Variants in ATRNL1 observed in about 807,000 individuals in gnomAD.
ATRNL1 encodes attractin-like protein 1.
A neutral mutation model predicts 182.7 loss-of-function variants in ATRNL1; 95 were observed. The ratio of observed to expected loss-of-function variants is 0.52; its 90% CI spans 0.44 to 0.62. The LOEUF is 0.62. Among genes scored for constraint, ATRNL1 ranks in the 20% least tolerant of loss-of-function variants. The pLI is 0.00. For missense variants in ATRNL1, 1,471 were observed against 1,679.5 expected (o/e 0.88, Z 2.17); for synonymous variants, 576 against 568.3 (o/e 1.01, Z -0.19).
chr10:115,518,672 G>C (rs1554984436), intron 24 of ATRNL1, among the ~76,000 whole-genome samples: 1 of 151,892 alleles, frequency 6.6e-6, no homozygotes, highest in Non-Finnish European at 1.5e-5. Flanking sequence ...TCTCTATCCA[G>C]ATGCTATATT....
chr10:115,315,409 G>A (rs148583496), intron 17 of ATRNL1, 109 bp from the exon 18 acceptor site: 1 of 773,760 alleles, frequency 1.3e-6, no homozygotes, highest in African/African-American at 1.7e-5. Flanking sequence ...ATTAACTATA[G>A]ATGACCTTTC....
At chr10:115,723,929 C>A (rs1947514581) in intron 26 of ATRNL1, among the ~76,000 whole-genome samples, 1 of 152,100 alleles carries the variant, frequency 6.6e-6, no homozygotes, top group African/African-American at 2.4e-5. Flanking sequence ...TTATGTACAA[C>A]AAATAAGATA....
intron 1 of ATRNL1, among the ~76,000 whole-genome samples, chr10:115,106,972 G>A (rs999549621): frequency 1.9e-4 from 29 of 152,168 alleles, no homozygotes; most frequent in African/African-American, 6.5e-4. Context: ...CTGTGGCAGA[G>A]GGTAAATAGA....
intron 27 of ATRNL1, among the ~76,000 whole-genome samples, chr10:115,729,495 T>TTGTGTGTGTGTGTGTGTG (rs139166434): frequency 2.0e-3 from 278 of 142,154 alleles, no homozygotes; most frequent in African/African-American, 6.9e-3. Flanking sequence ...CTACCCCATT[T>TTGTGTGTGTGTGTGTGTG]TGTGTGTGTG....
chr10:115,790,934 C>T (rs1394698408), intron 27 of ATRNL1, among the ~76,000 whole-genome samples: 2 of 152,144 alleles, frequency 1.3e-5, no homozygotes, highest in East Asian at 3.8e-4. Flanking sequence ...TCTGCCAAAC[C>T]AGTGCAGTTC....
intron 20 of ATRNL1, among the ~76,000 whole-genome samples, chr10:115,398,513 G>A (rs1554956148): frequency 6.6e-6 from 1 of 151,896 alleles, no homozygotes; most frequent in African/African-American, 2.4e-5. Context: ...CTCTCAGCTT[G>A]ACTGTTATTA....
chr10:115,535,524 A>C (rs529570245), intron 25 of ATRNL1, among the ~76,000 whole-genome samples: 1 of 151,574 alleles, frequency 6.6e-6, no homozygotes, highest in African/African-American at 2.4e-5. Context: ...TTTTTTTCAA[A>C]GTTTTCAACT....
At chr10:115,198,274 C>T (rs1848434876) in intron 8 of ATRNL1, among the ~76,000 whole-genome samples, 1 of 152,056 alleles carries the variant, frequency 6.6e-6, no homozygotes, top group African/African-American at 2.4e-5. Context: ...TAATGTTGAA[C>T]ATTTTTTCAT....
chr10:115,172,459 T>C (rs1307298479), intron 8 of ATRNL1, among the ~76,000 whole-genome samples: 2 of 152,040 alleles, frequency 1.3e-5, no homozygotes, highest in Non-Finnish European at 2.9e-5. Flanking sequence ...GTTGTAAATA[T>C]GCACTTAAGT....
chr10:115,808,409 A>T (rs1483264907), intron 27 of ATRNL1, among the ~76,000 whole-genome samples: 1 of 152,134 alleles, frequency 6.6e-6, no homozygotes. Context: ...GATATTTCAT[A>T]ATTCGTTCAT....
At chr10:115,898,124 A>T (rs1404093626) in intron 28 of ATRNL1, among the ~76,000 whole-genome samples, 2 of 152,150 alleles carry the variant, frequency 1.3e-5, no homozygotes, top group Admixed American at 6.5e-5. Flanking sequence ...GACGGGGTTC[A>T]CCATGTTGGC....
At chr10:115,256,381 C>G (rs553742264) in intron 10 of ATRNL1, among the ~76,000 whole-genome samples, 1 of 152,128 alleles carries the variant, frequency 6.6e-6, no homozygotes, top group Admixed American at 6.6e-5. Flanking sequence ...TGTATGTGTC[C>G]AGGAATTTAT....
intron 15 of ATRNL1, among the ~76,000 whole-genome samples, chr10:115,294,271 A>G (rs963509294): frequency 6.6e-6 from 1 of 152,180 alleles, no homozygotes. Flanking sequence ...ATCACTTGTA[A>G]GCCCAGGAGA....
intron 20 of ATRNL1, among the ~76,000 whole-genome samples, chr10:115,415,994 AG>A (rs1170855647): frequency 6.6e-6 from 1 of 151,998 alleles, no homozygotes; most frequent in African/African-American, 2.4e-5. Context: ...CTCTCTTCAA[AG>A]CTCATCTTTT....
At chr10:115,727,485 T>C (rs1947636140) in intron 27 of ATRNL1, 130 bp downstream of exon 27, 2 of 686,164 alleles carry the variant, frequency 2.9e-6, no homozygotes, top group East Asian at 2.7e-5. Context: ...CAGCTACATA[T>C]GTTATGCCAT....
chr10:115,177,318 A>G (rs550524787), intron 8 of ATRNL1, among the ~76,000 whole-genome samples: 196 of 152,302 alleles, frequency 1.3e-3, no homozygotes, highest in Non-Finnish European at 2.1e-3. Flanking sequence ...AGAAGTGGAA[A>G]TGATGGGTGG....
chr10:115,874,683 C>T (rs1008538346), intron 28 of ATRNL1, among the ~76,000 whole-genome samples: 19 of 152,120 alleles, frequency 1.2e-4, no homozygotes, highest in Non-Finnish European at 2.1e-4. Context: ...TCAGCAGAAC[C>T]TGAGATTTCC....
chr10:115,099,073 T>C lies in ATRNL1; in HGVS notation c.293+5030T>C, dbSNP rs567147919. 7.2e-5 allele frequency among the ~76,000 whole-genome samples: 11 copies of C among 152,376 alleles called. No homozygotes were observed. In the East Asian group the frequency reaches 2.1e-3, roughly 29 times the overall value. The stretch of plus-strand genomic sequence containing the variant: ...CTAGAAAGTTTCCATGTGTTTCCTT[T>C]GTAAACCCTCCCTTTTCTAGTTGCC... On this transcript the variant is annotated intron_variant, in intron 1 of 28. Coordinates refer to ENST00000355044, the MANE Select transcript of ATRNL1 (RefSeq NM_207303.4).
chr10:115,792,499 T>C (rs578132814), intron 27 of ATRNL1, among the ~76,000 whole-genome samples: 2 of 152,206 alleles, frequency 1.3e-5, no homozygotes, highest in East Asian at 3.9e-4. Flanking sequence ...CCGTTTTACT[T>C]ATCTAAAACA....
Sources: gnomAD v4.1 joint callset for allele counts (sites outside exome capture counted in the v4.1 genomes callset) on GRCh38, gnomAD v4.1.1 for gene constraint, MANE v1.5 for transcripts, NCBI Gene and HGNC (gene_info 2026-07-23, HGNC 2026-07-21) for gene names.